TNFRSF10B: variants seen among roughly 807,000 people sequenced by gnomAD.
TNFRSF10B encodes tumor necrosis factor receptor superfamily member 10B.
A neutral mutation model predicts 41.4 loss-of-function variants in TNFRSF10B; 35 were observed. The ratio of observed to expected loss-of-function variants is 0.85; its 90% confidence interval spans 0.65 to 1.12. The LOEUF (loss-of-function observed/expected upper bound fraction) is 1.12, where lower values mean the gene tolerates loss of function less well. TNFRSF10B is among the 50% of genes most tolerant of loss of function. The pLI is 0.00. For missense variants in TNFRSF10B, 584 were observed against 552.7 expected, an observed-to-expected ratio of 1.06 and a Z score of -0.57; for synonymous variants, 230 against 215.5, an observed-to-expected ratio of 1.07 and a Z score of -0.59.
At chr8:23,060,847 T>A (rs1390011285) in intron 1 of TNFRSF10B, among the ~76,000 whole-genome samples, 2 of 152,182 alleles carry the variant, frequency 1.3e-5, no homozygotes, top group East Asian at 3.8e-4. Flanking sequence ...GTCTTCCACC[T>A]CCTTGGTGAG....
intron 1 of TNFRSF10B, among the ~76,000 whole-genome samples, chr8:23,057,936 C>T (rs1298402107): frequency 6.6e-6 from 1 of 152,124 alleles, no homozygotes; most frequent in Non-Finnish European, 1.5e-5. Context: ...CCTACTATAC[C>T]TGCATTTTGC....
At chr8:23,029,390 G>A (rs1811809922) in intron 4 of TNFRSF10B, among the ~76,000 whole-genome samples, 1 of 152,160 alleles carries the variant, frequency 6.6e-6, no homozygotes, top group African/African-American at 2.4e-5. Context: ...TCTGTGGTCA[G>A]TGAACAAGTC....
intron 3 of TNFRSF10B, among the ~76,000 whole-genome samples, 170 bp from the exon 4 acceptor site, chr8:23,029,891 G>A (rs1269355623): frequency 6.6e-6 from 1 of 152,166 alleles, no homozygotes; most frequent in Non-Finnish European, 1.5e-5. Context: ...CCACCCTTCA[G>A]CTGTCACTAA....
chr8:23,031,788 A>G (rs990558681), intron 2 of TNFRSF10B, among the ~76,000 whole-genome samples: 3 of 152,206 alleles, frequency 2.0e-5, no homozygotes, highest in Non-Finnish European at 4.4e-5. Flanking sequence ...AATGTACCCC[A>G]GATAATATCA....
chr8:23,027,801 C>T (rs755415811), intron 5 of TNFRSF10B, 48 bp from the exon 6 acceptor site: 1 of 1,612,358 alleles, frequency 6.2e-7, no homozygotes, highest in Non-Finnish European at 8.5e-7. Flanking sequence ...GCCCATGAAG[C>T]ACCCCCCTCC....
intron 1 of TNFRSF10B, among the ~76,000 whole-genome samples, chr8:23,050,343 G>T (rs941830929): frequency 1.3e-5 from 2 of 152,174 alleles, no homozygotes; most frequent in African/African-American, 4.8e-5. Flanking sequence ...TTGAAAATGG[G>T]AAGTATTGGG....
chr8:23,037,004 A>G (rs1812048652), intron 2 of TNFRSF10B, among the ~76,000 whole-genome samples: 1 of 152,198 alleles, frequency 6.6e-6, no homozygotes, highest in South Asian at 2.1e-4. Flanking sequence ...AAAACTGATA[A>G]CAAGGAAGTC....
rs1015053791 is a variant in TNFRSF10B, at chr8:23,058,130, C to T, written c.144+10621G>A. On this transcript the variant is annotated intron_variant, in intron 1 of 8. Transcript: ENST00000276431. ...GGCATGGTGATGCATGCCTGTAATCCCAGCTACTTGGGAGGCTGAGGCAGG... is the reference window on the plus strand; with the variant it reads ...GGCATGGTGATGCATGCCTGTAATCTCAGCTACTTGGGAGGCTGAGGCAGG... Among the ~76,000 whole-genome samples the T allele has an allele frequency of 3.9e-5, 6 of 152,066 alleles. 1 individual carries two copies. The highest frequency in any genetic ancestry group is 1.3e-4 in the Admixed American group (2 of 15,264).
At chr8:23,056,229 TAG>T (rs372390389) in intron 1 of TNFRSF10B, among the ~76,000 whole-genome samples, 9 of 152,194 alleles carry the variant, frequency 5.9e-5, no homozygotes, top group African/African-American at 1.9e-4. Flanking sequence ...ACTGTCCTTA[TAG>T]AGTCATCAGC....
chr8:23,028,273 G>C (rs1242068671), intron 5 of TNFRSF10B, 58 bp downstream of exon 5: 4 of 1,610,356 alleles, frequency 2.5e-6, no homozygotes, highest in Non-Finnish European at 3.4e-6. Context: ...TGTGGGAATA[G>C]GGTGGGAGGG....
chr8:23,065,925 G>T (rs1446673443), intron 1 of TNFRSF10B, among the ~76,000 whole-genome samples: 1 of 152,026 alleles, frequency 6.6e-6, no homozygotes. Context: ...CTTAAAACAG[G>T]TCATCTAAAG....
At chr8:23,055,265 G>A (rs918748404) in intron 1 of TNFRSF10B, among the ~76,000 whole-genome samples, 6 of 151,980 alleles carry the variant, frequency 3.9e-5, no homozygotes, top group East Asian at 1.9e-4. Context: ...CAGTGCTACC[G>A]GGAACAAATC....
intron 5 of TNFRSF10B, 144 bp downstream of exon 5, chr8:23,028,187 T>A: frequency 9.1e-7 from 1 of 1,104,386 alleles, no homozygotes; most frequent in Non-Finnish European, 1.3e-6. Context: ...GATGTGGGGA[T>A]GGGGGTGACC....
intron 1 of TNFRSF10B, among the ~76,000 whole-genome samples, chr8:23,047,333 G>A (rs1399444536): frequency 2.7e-5 from 4 of 145,716 alleles, no homozygotes; most frequent in African/African-American, 1.0e-4. Flanking sequence ...CTCCAGCCTA[G>A]GCAACAAGAG....
chr8:23,068,873 C>A lies in TNFRSF10B; in HGVS notation c.22G>T (p.Ala8Ser). 1 of 1,613,500 alleles carries A rather than the reference C, an allele frequency of 6.2e-7. No homozygotes were observed. Among genetic ancestry groups the A allele is most frequent in the African/African-American group, 1.3e-5 (1 of 75,056 alleles). The change falls in exon 1 of 9, where the codon GCC (alanine) becomes TCC (serine). Residue 8 changes from alanine (A) to serine (S), a missense_variant. Transcript: ENST00000276431. Reference sequence around the variant, plus strand: ...TTCCGGGCCCCCGAAGCGGCCGGGGCGTTCTGTCCCCGTTGTTCCATGGCG... The same window carrying A: ...TTCCGGGCCCCCGAAGCGGCCGGGGAGTTCTGTCCCCGTTGTTCCATGGCG... MEQRGQN[A>S]PAASGARKRH...
rs768306590 is a variant in TNFRSF10B, at chr8:23,068,973, T to C, written c.-79A>G. The C allele has an allele frequency of 1.2e-6, 2 of 1,609,596 alleles. No homozygotes were observed. The highest frequency in any genetic ancestry group is 1.7e-5 in the Admixed American group (1 of 59,832). On this transcript the variant is annotated 5_prime_UTR_variant, in exon 1 of 9. Coordinates refer to ENST00000276431, the MANE Select transcript of TNFRSF10B (RefSeq NM_003842.5). ...AGTAGATCGGGCATCGTCGGTGTAT[T>C]TTGTGGGCGCAGAGATTGCGGGGTT... is the stretch of plus-strand genomic sequence containing the variant.
intron 5 of TNFRSF10B, 103 bp downstream of exon 5, chr8:23,028,228 C>T (rs1188620893): frequency 2.0e-6 from 3 of 1,520,026 alleles, no homozygotes; most frequent in Middle Eastern, 2.3e-4. Flanking sequence ...AGGCTGGAGG[C>T]ACTTAGACTT....
intron 1 of TNFRSF10B, among the ~76,000 whole-genome samples, chr8:23,061,721 T>C (rs1812835197): frequency 6.6e-6 from 1 of 152,222 alleles, no homozygotes; most frequent in South Asian, 2.1e-4. Context: ...TATTCTTAGT[T>C]TGCTGGGTGT....
intron 2 of TNFRSF10B, among the ~76,000 whole-genome samples, chr8:23,041,614 A>AAC (rs1812204773): frequency 6.6e-6 from 1 of 152,018 alleles, no homozygotes; most frequent in Non-Finnish European, 1.5e-5. Flanking sequence ...AAAAAAAAAA[A>AAC]AAAAAAAAAC....
Sources: gnomAD v4.1 joint callset for allele counts (sites outside exome capture counted in the v4.1 genomes callset) on GRCh38, gnomAD v4.1.1 for gene constraint, MANE v1.5 for transcripts, NCBI Gene and HGNC (gene_info 2026-07-23, HGNC 2026-07-21) for gene names.